The following APBA1 variants were observed in gnomAD, a reference collection of about 807,000 sequenced individuals.
APBA1 encodes amyloid beta precursor protein binding family A member 1, also known as amyloid-beta A4 precursor protein-binding family A member 1.
Under a neutral mutation model 86.6 loss-of-function variants are expected in APBA1, and 55 were observed. That is an observed-to-expected ratio of 0.64 (90% CI 0.51 to 0.80). The LOEUF (loss-of-function observed/expected upper bound fraction) is 0.80, where lower values mean the gene tolerates loss of function less well. Among genes scored for constraint, APBA1 ranks in the 30% least tolerant of loss-of-function variants. APBA1 has a pLI of 0.00. For missense variants in APBA1, 1,090 were observed against 1,183.0 expected (o/e 0.92, Z 1.15); for synonymous variants, 511 against 493.9 (o/e 1.03, Z -0.46).
At chr9:69,598,062 A>C (rs1407386305) in intron 1 of APBA1, among the ~76,000 whole-genome samples, 1 of 151,808 alleles carries the variant, frequency 6.6e-6, no homozygotes, top group Non-Finnish European at 1.5e-5. Context: ...AGACTGGATT[A>C]AGAAAATGTG....
intron 1 of APBA1, among the ~76,000 whole-genome samples, chr9:69,564,073 GAGAAGCACCTTCCAA>G (rs1836988730): frequency 6.6e-6 from 1 of 151,982 alleles, no homozygotes; most frequent in African/African-American, 2.4e-5. Flanking sequence ...CTCCAAATTC[GAGAAGCACCTTCCAA>G]AGCATTCTCT....
intron 1 of APBA1, among the ~76,000 whole-genome samples, chr9:69,611,292 A>AC (rs1405954870): frequency 1.3e-5 from 2 of 150,944 alleles, no homozygotes; most frequent in Non-Finnish European, 3.0e-5. Context: ...AAGGAAAAAA[A>AC]AAAAAAAAAA....
At chr9:69,437,118 G>T (rs1834739707) in intron 11 of APBA1, among the ~76,000 whole-genome samples, 2 of 151,930 alleles carry the variant, frequency 1.3e-5, no homozygotes, top group Admixed American at 1.3e-4. Flanking sequence ...TGCATCCCAG[G>T]GATGAAGCCC....
rs778279509 is a variant in APBA1 at position 69,452,151 on chromosome 9, G to A, written c.1939C>T (p.His647Tyr). 3 of 1,614,192 alleles carry A rather than the reference G, an allele frequency of 1.9e-6. No individual in the cohort carries two copies. Among genetic ancestry groups the A allele is most frequent in the Admixed American group, 3.3e-5 (2 of 60,028 alleles). ...TTACAGTTTTCCGACTTGGAGAAGT[G>A]GATCAGGTCATCGTTGTACATGTCC... ...TQDMYNDDLI[H>Y]FSKSENCKDV... The change falls in exon 9 of 13, where the codon CAC (histidine) becomes TAC (tyrosine). Residue 647 changes from histidine to tyrosine, a missense_variant. Physicochemically the swap from His to Tyr is moderately conservative, Grantham distance 83. Coordinates refer to ENST00000265381, the MANE Select transcript of APBA1 (RefSeq NM_001163.4).
At chr9:69,656,350 T>C (rs1823611596) in intron 1 of APBA1, among the ~76,000 whole-genome samples, 1 of 152,146 alleles carries the variant, frequency 6.6e-6, no homozygotes, top group Non-Finnish European at 1.5e-5. Context: ...ACAACCCTAA[T>C]GTCCTTCAAC....
At chr9:69,654,307 AAG>A (rs1476566063) in intron 1 of APBA1, among the ~76,000 whole-genome samples, 1 of 152,018 alleles carries the variant, frequency 6.6e-6, no homozygotes, top group African/African-American at 2.4e-5. Flanking sequence ...TACTAAGAAA[AAG>A]AGAGAGAAGA....
In APBA1 at chr9:69,467,977, C is replaced by T. The variant is rs751839685; in HGVS notation, c.1337-9G>A. ...GTCGCAGGGTCCCGGAACTGTAACACATAGAGCCACAGTGAGGAAGCCATC... is the reference window on the plus strand; with the variant it reads ...GTCGCAGGGTCCCGGAACTGTAACATATAGAGCCACAGTGAGGAAGCCATC... On this transcript the variant is annotated splice_polypyrimidine_tract_variant and intron_variant, in intron 4 of 12. Transcript: ENST00000265381. 1.9e-6 allele frequency: 3 copies of T among 1,613,438 alleles called. No individual in the cohort carries two copies. The highest frequency in any genetic ancestry group is 1.7e-6 in the Non-Finnish European group (2 of 1,179,502).
chr9:69,482,359 A>G (rs1037856962), intron 2 of APBA1, among the ~76,000 whole-genome samples: 1 of 151,880 alleles, frequency 6.6e-6, no homozygotes, highest in Non-Finnish European at 1.5e-5. Context: ...GCAGCCAAAA[A>G]ACACATGAAA....
At chr9:69,636,713 G>A (rs567918942) in intron 1 of APBA1, among the ~76,000 whole-genome samples, 365 of 150,368 alleles carry the variant, frequency 2.4e-3, no homozygotes, top group Non-Finnish European at 3.8e-3. Context: ...AGGATCACCT[G>A]AGCCTGGAGA....
At chr9:69,551,357 G>A (rs1836781915) in intron 1 of APBA1, among the ~76,000 whole-genome samples, 1 of 152,110 alleles carries the variant, frequency 6.6e-6, no homozygotes, top group African/African-American at 2.4e-5. Flanking sequence ...TTCGAGACCA[G>A]CCTGTCCAAC....
intron 2 of APBA1, among the ~76,000 whole-genome samples, chr9:69,514,831 T>G (rs188127710): frequency 1.0e-3 from 154 of 152,172 alleles, no homozygotes; most frequent in Middle Eastern, 3.4e-3. Flanking sequence ...TGCTTGAACC[T>G]GGGAGGCAGA....
intron 11 of APBA1, among the ~76,000 whole-genome samples, chr9:69,440,521 T>G (rs151334968): frequency 0.013 from 2,055 of 152,228 alleles, 20 homozygotes; most frequent in Non-Finnish European, 0.02. Context: ...ACCTTGCAGT[T>G]TGATCTCAGA....
chr9:69,627,042 C>T (rs1449972860), intron 1 of APBA1, among the ~76,000 whole-genome samples: 1 of 152,162 alleles, frequency 6.6e-6, no homozygotes, highest in Non-Finnish European at 1.5e-5. Context: ...TCATACAATG[C>T]TGACCTACTC....
intron 2 of APBA1, among the ~76,000 whole-genome samples, chr9:69,496,947 A>G (rs1331981108): frequency 6.8e-6 from 1 of 147,448 alleles, no homozygotes; most frequent in East Asian, 2.1e-4. Flanking sequence ...GAAAAGCTGC[A>G]ACTTTTTCAG....
chr9:69,471,373 A>G (rs1835363592), intron 4 of APBA1, among the ~76,000 whole-genome samples: 3 of 152,204 alleles, frequency 2.0e-5, no homozygotes, highest in African/African-American at 7.2e-5. Context: ...TTTTGGATCC[A>G]GTGTGACCAC....
intron 3 of APBA1, among the ~76,000 whole-genome samples, chr9:69,475,628 A>G (rs1177413574): frequency 6.6e-6 from 1 of 152,210 alleles, no homozygotes; most frequent in Non-Finnish European, 1.5e-5. Context: ...AAACTAACAC[A>G]TTTCCCAAAG....
intron 1 of APBA1, among the ~76,000 whole-genome samples, chr9:69,624,682 C>T (rs1323480140): frequency 6.6e-6 from 1 of 152,156 alleles, no homozygotes; most frequent in Non-Finnish European, 1.5e-5. Flanking sequence ...CAAGAAATTA[C>T]ATCAGTCTTT....
At chr9:69,475,910 G>A (rs542936794) in intron 3 of APBA1, 138 bp downstream of exon 3, 4 of 720,126 alleles carry the variant, frequency 5.6e-6, no homozygotes, top group African/African-American at 5.2e-5. Flanking sequence ...ACTGCACACT[G>A]GAGAGGAGAA....
At chr9:69,486,421 T>C (rs1379243964) in intron 2 of APBA1, among the ~76,000 whole-genome samples, 2 of 152,102 alleles carry the variant, frequency 1.3e-5, no homozygotes, top group African/African-American at 2.4e-5. Flanking sequence ...TCTCAGTGCC[T>C]ATCTGTGTTC....
Sources: gnomAD v4.1 joint callset for allele counts (sites outside exome capture counted in the v4.1 genomes callset) on GRCh38, gnomAD v4.1.1 for gene constraint, MANE v1.5 for transcripts, NCBI Gene and HGNC (gene_info 2026-07-23, HGNC 2026-07-21) for gene names.